ABTB3: variants seen among roughly 807,000 people sequenced by gnomAD.
The protein encoded by ABTB3 is ankyrin repeat- and BTB/POZ domain-containing protein 3.
chr12:107,385,700 A>G, the ABTB3 span, among the ~76,000 whole-genome samples: 1 of 152,166 alleles, frequency 6.6e-6, no homozygotes, highest in Non-Finnish European at 1.5e-5. Flanking sequence ...CAATCACAGC[A>G]GCTCTGCCAG....
the ABTB3 span, among the ~76,000 whole-genome samples, chr12:107,376,892 C>T: frequency 3.3e-5 from 5 of 152,140 alleles, no homozygotes; most frequent in Non-Finnish European, 5.9e-5. Flanking sequence ...GTATAAGGGG[C>T]AGATTCTCCA....
the ABTB3 span, among the ~76,000 whole-genome samples, chr12:107,405,518 G>A: frequency 1.8e-4 from 28 of 152,216 alleles, no homozygotes; most frequent in African/African-American, 6.5e-4. Flanking sequence ...TCCGAGCAGT[G>A]GGGCAGGCAA....
chr12:107,340,539 T>A, the ABTB3 span, among the ~76,000 whole-genome samples: 3 of 152,134 alleles, frequency 2.0e-5, no homozygotes, highest in Non-Finnish European at 4.4e-5. Flanking sequence ...AGGAAGATAT[T>A]TGTGTTCAGA....
the ABTB3 span, among the ~76,000 whole-genome samples, chr12:107,518,699 T>C: frequency 9.9e-5 from 15 of 152,062 alleles, 1 homozygote; most frequent in Non-Finnish European, 4.4e-5. Flanking sequence ...ACCGTATACA[T>C]ATGTAACAAA....
the ABTB3 span, among the ~76,000 whole-genome samples, chr12:107,526,013 T>C: frequency 6.6e-6 from 1 of 152,166 alleles, no homozygotes; most frequent in African/African-American, 2.4e-5. Context: ...TGTGTGCAAA[T>C]CAGCTTTGTA....
At chr12:107,580,896 C>T in the ABTB3 span, 1 of 1,551,164 alleles carries the variant, frequency 6.4e-7, no homozygotes, top group Non-Finnish European at 8.7e-7. Flanking sequence ...CACATTATCC[C>T]CAGGCTACAG....
chr12:107,421,631 CA>C, the ABTB3 span, among the ~76,000 whole-genome samples: 56 of 152,338 alleles, frequency 3.7e-4, no homozygotes, highest in African/African-American at 1.3e-3. Flanking sequence ...CCACCTTTGA[CA>C]GGGGTCCACT....
the ABTB3 span, among the ~76,000 whole-genome samples, chr12:107,416,354 T>C: frequency 2.6e-5 from 4 of 152,162 alleles, no homozygotes; most frequent in Admixed American, 2.6e-4. Context: ...CTGTTAGCAG[T>C]TTCTGGAAAT....
the ABTB3 span, among the ~76,000 whole-genome samples, chr12:107,546,955 A>C: frequency 6.6e-6 from 1 of 152,178 alleles, no homozygotes; most frequent in Non-Finnish European, 1.5e-5. Flanking sequence ...GCACTTTGGT[A>C]GGCCAAGGCG....
chr12:107,352,011 A>C, the ABTB3 span, among the ~76,000 whole-genome samples: 1 of 152,120 alleles, frequency 6.6e-6, no homozygotes. Context: ...CTAACTAATT[A>C]ATTAATTCAC....
chr12:107,584,839 T>C, the ABTB3 span, among the ~76,000 whole-genome samples: 64 of 152,338 alleles, frequency 4.2e-4, no homozygotes, highest in Admixed American at 3.4e-3. Context: ...GGTCTCACCA[T>C]GGTGATCAGG....
chr12:107,574,635 T>G, the ABTB3 span, among the ~76,000 whole-genome samples: 13 of 152,246 alleles, frequency 8.5e-5, no homozygotes, highest in East Asian at 2.3e-3. Flanking sequence ...GGCAGGAGAA[T>G]TGCTTGAACC....
At chr12:107,577,272 A>C in the ABTB3 span, among the ~76,000 whole-genome samples, 17 of 152,166 alleles carry the variant, frequency 1.1e-4, no homozygotes, top group Admixed American at 1.1e-3. Flanking sequence ...ATGCAAACCC[A>C]CCCCACTTTA....
the ABTB3 span, among the ~76,000 whole-genome samples, chr12:107,578,054 C>A: frequency 2.0e-5 from 3 of 152,218 alleles, no homozygotes; most frequent in South Asian, 4.1e-4. Context: ...CTTCAGCATT[C>A]TCCACCCTCT....
chr12:107,458,032 A>G, the ABTB3 span, among the ~76,000 whole-genome samples: 1 of 152,232 alleles, frequency 6.6e-6, no homozygotes, highest in Non-Finnish European at 1.5e-5. Flanking sequence ...TGGGTGATTC[A>G]TTTAACTTTG....
At chr12:107,539,430 T>C in the ABTB3 span, among the ~76,000 whole-genome samples, 2 of 152,182 alleles carry the variant, frequency 1.3e-5, no homozygotes, top group East Asian at 3.9e-4. Context: ...TCCTTTTTTT[T>C]TCTTCCTCCC....
At chr12:107,450,992 A>T in the ABTB3 span, among the ~76,000 whole-genome samples, 1 of 150,778 alleles carries the variant, frequency 6.6e-6, no homozygotes, top group Non-Finnish European at 1.5e-5. Context: ...TTTTTTTTTT[A>T]AATGCATGTG....
chr12:107,653,447 C>G, the ABTB3 span, among the ~76,000 whole-genome samples: 45,267 of 151,108 alleles, frequency 0.3, 7,101 homozygotes, highest in East Asian at 0.52. Context: ...AACCTGGGGG[C>G]CAGAGCGTGC....
the ABTB3 span, among the ~76,000 whole-genome samples, chr12:107,532,711 G>A: frequency 6.6e-6 from 1 of 152,018 alleles, no homozygotes; most frequent in African/African-American, 2.4e-5. Context: ...GTCCCCTCTG[G>A]GGCACATTAT....
Sources: gnomAD v4.1 joint callset for allele counts (sites outside exome capture counted in the v4.1 genomes callset) on GRCh38, gnomAD v4.1.1 for gene constraint, MANE v1.5 for transcripts, NCBI Gene and HGNC (gene_info 2026-07-23, HGNC 2026-07-21) for gene names.